The following SYBU variants were observed in gnomAD, a reference collection of about 807,000 sequenced individuals.
SYBU encodes the protein syntabulin.
A neutral mutation model predicts 35.9 loss-of-function variants in SYBU; 21 were observed. That is an observed-to-expected ratio of 0.58 (90% CI 0.41 to 0.84). SYBU has a LOEUF of 0.84. Among genes scored for constraint, SYBU ranks in the 40% least tolerant of loss-of-function variants. The pLI is 0.00. For synonymous variants in SYBU, 319 were observed against 324.3 expected (o/e 0.98, Z 0.18); for missense variants, 768 against 848.2 (o/e 0.91, Z 1.17).
chr8:109,619,713 T>C (rs897021854), intron 2 of SYBU, among the ~76,000 whole-genome samples: 1 of 152,344 alleles, frequency 6.6e-6, no homozygotes, highest in Non-Finnish European at 1.5e-5. Flanking sequence ...CTTCAGAGTT[T>C]ACATCTGGAA....
chr8:109,615,238 T>C (rs1055832087), intron 3 of SYBU, among the ~76,000 whole-genome samples: 7 of 152,298 alleles, frequency 4.6e-5, no homozygotes, highest in Admixed American at 3.9e-4. Context: ...TTGTTATTAA[T>C]GAGTTGACTT....
chr8:109,643,096 T>C, intron 1 of SYBU, 164 bp from the exon 2 acceptor site: 3 of 1,367,036 alleles, frequency 2.2e-6, no homozygotes, highest in South Asian at 1.9e-5. Flanking sequence ...GCTTCAAAAC[T>C]CTTCCAATGA....
intron 1 of SYBU, among the ~76,000 whole-genome samples, chr8:109,686,950 A>G (rs984101477): frequency 1.3e-5 from 2 of 152,136 alleles, no homozygotes; most frequent in Non-Finnish European, 2.9e-5. Flanking sequence ...CACCATTTTC[A>G]GATAAAATAA....
chr8:109,611,449 C>CA (rs36021136), intron 3 of SYBU, among the ~76,000 whole-genome samples: 2 of 151,960 alleles, frequency 1.3e-5, no homozygotes, highest in Admixed American at 6.6e-5. Context: ...AAGATAAACA[C>CA]TAAGTCCACT....
upstream of SYBU, chr8:109,646,913 C>T (rs1358351906): frequency 3.3e-5 from 5 of 152,180 alleles, no homozygotes; most frequent in African/African-American, 9.7e-5. Flanking sequence ...CCATTATCTT[C>T]GTGTAGAGTG....
At chr8:109,620,909 A>G (rs1211789291) in intron 2 of SYBU, among the ~76,000 whole-genome samples, 1 of 152,236 alleles carries the variant, frequency 6.6e-6, no homozygotes, top group Non-Finnish European at 1.5e-5. Context: ...GCAATTTTAC[A>G]AGGCACAACA....
At chr8:109,657,865 A>C (rs1816413402) in intron 1 of SYBU, among the ~76,000 whole-genome samples, 1 of 152,188 alleles carries the variant, frequency 6.6e-6, no homozygotes, top group Admixed American at 6.5e-5. Context: ...CCATATATTT[A>C]TACTCAATAA....
intron 2 of SYBU, among the ~76,000 whole-genome samples, chr8:109,634,689 G>A (rs1438188825): frequency 6.6e-6 from 1 of 152,136 alleles, no homozygotes; most frequent in African/African-American, 2.4e-5. Context: ...TGTAATCCCA[G>A]CACTTTGGGA....
rs756279555 is a variant in SYBU, at chr8:109,576,064, A to AC, written c.885-52_885-51insG. 9 of 1,483,616 alleles carry AC rather than the reference A, an allele frequency of 6.1e-6. No homozygotes were observed. In the East Asian group the frequency reaches 7.2e-5, roughly 12 times the overall value. The allele number at this position is 1,483,616 out of a possible 1,614,324, so 91.9% of individuals were successfully genotyped here. On this transcript the variant is annotated intron_variant, in intron 6 of 6. Coordinates refer to ENST00000276646, the MANE Select transcript of SYBU (RefSeq NM_001099754.2). ...AATTAAAAAAAAAAAAAAAAAAAAA[A>AC]AAAAAACTTTCAACTGGGCAACAGG...
intron 3 of SYBU, among the ~76,000 whole-genome samples, chr8:109,606,625 C>G: frequency 6.6e-6 from 1 of 152,156 alleles, no homozygotes; most frequent in East Asian, 1.9e-4. Context: ...TATAGAATTT[C>G]TCACACACCC....
At chr8:109,668,436 AG>A (rs1485870124) in intron 1 of SYBU, among the ~76,000 whole-genome samples, 1 of 152,224 alleles carries the variant, frequency 6.6e-6, no homozygotes. Flanking sequence ...GTAACTTAGT[AG>A]GCAATTTAAA....
At chr8:109,688,017 C>T (rs1242948335) in intron 1 of SYBU, among the ~76,000 whole-genome samples, 1 of 152,130 alleles carries the variant, frequency 6.6e-6, no homozygotes, top group East Asian at 1.9e-4. Flanking sequence ...TAGGCTTCTC[C>T]TCATCATCAG....
chr8:109,588,356 C>T (rs926911811), intron 3 of SYBU, among the ~76,000 whole-genome samples: 5 of 152,180 alleles, frequency 3.3e-5, no homozygotes, highest in Admixed American at 6.5e-5. Context: ...TTTATTGCTA[C>T]TGGAACTCAA....
At chr8:109,629,820 T>C (rs1338347129) in intron 2 of SYBU, among the ~76,000 whole-genome samples, 1 of 152,164 alleles carries the variant, frequency 6.6e-6, no homozygotes, top group Non-Finnish European at 1.5e-5. Context: ...TTTCCTGACT[T>C]TTTAATGATT....
intron 3 of SYBU, among the ~76,000 whole-genome samples, chr8:109,615,961 T>C (rs938928079): frequency 6.6e-6 from 1 of 151,556 alleles, no homozygotes; most frequent in Non-Finnish European, 1.5e-5. Context: ...TCCATCCTTT[T>C]ATCCTTCCTT....
At chr8:109,672,739 C>G (rs1817031148) in intron 1 of SYBU, among the ~76,000 whole-genome samples, 1 of 152,210 alleles carries the variant, frequency 6.6e-6, no homozygotes, top group Non-Finnish European at 1.5e-5. Context: ...TCTAGCTCAG[C>G]AGATCCCACC....
At chr8:109,682,361 T>C (rs1320708406), upstream of SYBU, among the ~76,000 whole-genome samples, 2 of 152,160 alleles carry the variant, frequency 1.3e-5, no homozygotes, top group Non-Finnish European at 2.9e-5. Context: ...AAAATGCTGA[T>C]AGTGATATAG....
At chr8:109,667,960 C>T (rs377217554) in intron 1 of SYBU, among the ~76,000 whole-genome samples, 1 of 152,136 alleles carries the variant, frequency 6.6e-6, no homozygotes, top group South Asian at 2.1e-4. Flanking sequence ...TGTTTTACTG[C>T]TTCCTGGGCA....
At chr8:109,630,558 G>A (rs917514990) in intron 2 of SYBU, among the ~76,000 whole-genome samples, 1 of 152,136 alleles carries the variant, frequency 6.6e-6, no homozygotes, top group African/African-American at 2.4e-5. Flanking sequence ...ATATATTTGA[G>A]ATAAATTTGG....
Sources: allele counts gnomAD v4.1 joint callset (sites outside exome capture counted in the v4.1 genomes callset), GRCh38; gene constraint gnomAD v4.1.1; transcripts MANE v1.5; gene names NCBI Gene and HGNC (gene_info 2026-07-23, HGNC 2026-07-21).